Variants in NDUFA9 observed in about 807,000 individuals in gnomAD.
The protein encoded by NDUFA9 is NADH:ubiquinone oxidoreductase subunit A9.
In NDUFA9, 23 loss-of-function variants were observed where a neutral mutation model predicts 45.9. That is an observed-to-expected ratio of 0.50 (90% CI 0.36 to 0.71). The LOEUF (loss-of-function observed/expected upper bound fraction) is 0.71. Among genes scored for constraint, NDUFA9 ranks in the 30% least tolerant of loss-of-function variants. The probability of loss-of-function intolerance (pLI) is 0.00; values close to 1 mark genes in which losing one functional copy is unlikely to be tolerated. For missense variants in NDUFA9, 466 were observed against 488.2 expected (o/e 0.95, Z 0.43); for synonymous variants, 176 against 170.5 (o/e 1.03, Z -0.25).
intron 8 of NDUFA9, among the ~76,000 whole-genome samples, chr12:4,676,507 A>G (rs991377149): frequency 3.3e-5 from 5 of 152,048 alleles, no homozygotes; most frequent in Admixed American, 1.3e-4. Flanking sequence ...CAGACAAACC[A>G]TGAGTGAACC....
At chr12:4,673,851 C>T (rs1009235234) in intron 8 of NDUFA9, among the ~76,000 whole-genome samples, 2 of 152,066 alleles carry the variant, frequency 1.3e-5, no homozygotes, top group Non-Finnish European at 2.9e-5. Flanking sequence ...AGAGCAACCA[C>T]AAGACACATA....
intron 7 of NDUFA9, 84 bp from the exon 8 acceptor site, chr12:4,669,654 CTCT>C: frequency 2.5e-6 from 2 of 810,454 alleles, no homozygotes; most frequent in Non-Finnish European, 4.0e-6. Flanking sequence ...CTTCCTTTTT[CTCT>C]TCTTTCCTTT....
At chr12:4,662,179 T>C (rs1945826900) in intron 5 of NDUFA9, among the ~76,000 whole-genome samples, 3 of 152,240 alleles carry the variant, frequency 2.0e-5, no homozygotes, top group Admixed American at 2.0e-4. Flanking sequence ...GCCACCATAC[T>C]GTCCTTTTTC....
At chr12:4,662,455 T>G in intron 5 of NDUFA9, 78 bp from the exon 6 acceptor site, 1 of 1,056,434 alleles carries the variant, frequency 9.5e-7, no homozygotes, top group South Asian at 1.3e-5. Flanking sequence ...ATACAAGTCA[T>G]GTCTTAATAG....
At chr12:4,660,696 A>G (rs531619994) in intron 5 of NDUFA9, among the ~76,000 whole-genome samples, 13 of 152,294 alleles carry the variant, frequency 8.5e-5, no homozygotes, top group Admixed American at 3.3e-4. Flanking sequence ...GTACAGTGCT[A>G]GGGAAGCCAT....
chr12:4,682,297 A>T lies in NDUFA9; in HGVS notation c.893A>T (p.Tyr298Phe), dbSNP rs61754988. Reference protein sequence around the residue: ...FLPFPLPLFAYRWVARVFEIS... With the variant: ...FLPFPLPLFAFRWVARVFEIS... ...CCATTCCCCTTGCCGCTTTTTGCCT[A>T]TCGGTAAGTAGAGTGCTCCTTTTGT... is the stretch of plus-strand genomic sequence containing the variant. The change falls in exon 9 of 11, where the codon TAT (tyrosine) becomes TTT (phenylalanine). Residue 298 changes from tyrosine (Y) to phenylalanine (F), a missense_variant. Physicochemically the swap from Tyr to Phe is conservative, Grantham distance 22 (BLOSUM62 3). Coordinates refer to ENST00000266544, the MANE Select transcript of NDUFA9 (RefSeq NM_005002.5). 3.7e-6 allele frequency: 6 copies of T among 1,607,050 alleles called. No individual in the cohort carries two copies. The Admixed American group carries it at 8.3e-5, about 22-fold the overall frequency.
Position 4,690,056 on chromosome 12 carries a change from A to G in NDUFA9, c.*2948A>G, listed in dbSNP as rs571419784. 6.6e-6 allele frequency: 1 copy of G among 152,552 alleles called. No individual in the cohort carries two copies. Among genetic ancestry groups the G allele is most frequent in the East Asian group, 1.9e-4 (1 of 5,176 alleles). The allele number at this position is 152,552 out of a possible 1,614,324, so 9.4% of individuals were successfully genotyped here. A position where few individuals can be genotyped will look rare whatever the true frequency, so the allele number is the denominator to read the frequency against. ...CAAGTAACTGGGAGCTGGGCATAAG[A>G]TCTAGGACACTCATATCCAGGGTGA... On this transcript the variant is annotated 3_prime_UTR_variant, in exon 11 of 11. Transcript: ENST00000266544.
intron 9 of NDUFA9, chr12:4,684,988 G>T: frequency 1.7e-6 from 1 of 598,782 alleles, no homozygotes; most frequent in Admixed American, 2.9e-5. Flanking sequence ...GTTGTTTGTT[G>T]GTTTTATTTC....
intron 8 of NDUFA9, among the ~76,000 whole-genome samples, chr12:4,678,320 TAAATA>T (rs1237430726): frequency 2.6e-5 from 4 of 151,332 alleles, no homozygotes; most frequent in Admixed American, 2.6e-4. Flanking sequence ...TGTAAAAAAA[TAAATA>T]AAAGAGTTAT....
chr12:4,654,164 TA>T, intron 1 of NDUFA9, 127 bp from the exon 2 acceptor site: 1 of 832,496 alleles, frequency 1.2e-6, no homozygotes, highest in Non-Finnish European at 1.8e-6. Flanking sequence ...TTGCCCTTGA[TA>T]CTTAAATTGC....
intron 4 of NDUFA9, among the ~76,000 whole-genome samples, chr12:4,658,810 G>A (rs1425461761): frequency 6.6e-6 from 1 of 152,052 alleles, no homozygotes; most frequent in East Asian, 1.9e-4. Context: ...GGCTGGTCTT[G>A]AACTCCTGGG....
intron 5 of NDUFA9, 139 bp downstream of exon 5, chr12:4,659,316 AG>A: frequency 1.3e-6 from 1 of 749,102 alleles, no homozygotes; most frequent in Non-Finnish European, 2.1e-6. Context: ...ATCCAGAACT[AG>A]GGGTGTGTGT....
At chr12:4,683,826 C>T (rs1945968076) in intron 9 of NDUFA9, among the ~76,000 whole-genome samples, 1 of 152,178 alleles carries the variant, frequency 6.6e-6, no homozygotes, top group African/African-American at 2.4e-5. Context: ...TGTTCATTCA[C>T]ATGTATCTCA....
At position 4,654,612 on chromosome 12, in the gene NDUFA9, G is replaced by T. The variant is rs546449323; in HGVS notation, c.220+150G>T. The T allele has an allele frequency of 2.0e-5, 19 of 955,848 alleles. No homozygotes were observed. In the East Asian group the frequency reaches 2.7e-4, roughly 14 times the overall value. The allele number at this position is 955,848 out of a possible 1,614,324, so 59.2% of individuals were successfully genotyped here. ...TAATTTTTATTTGTTGTGACATGAA[G>T]AGCACACTCATGCTCCTATATAGGA... is the stretch of plus-strand genomic sequence containing the variant. On this transcript the variant is annotated intron_variant, in intron 2 of 10. Coordinates refer to ENST00000266544, the MANE Select transcript of NDUFA9 (RefSeq NM_005002.5).
At chr12:4,658,759 CT>C (rs1945806141) in intron 4 of NDUFA9, among the ~76,000 whole-genome samples, 1 of 151,848 alleles carries the variant, frequency 6.6e-6, no homozygotes, top group Admixed American at 6.6e-5. Context: ...AATTTTTTTT[CT>C]TTTTTTAGAA....
Position 4,662,560 on chromosome 12 carries a change from G to C in NDUFA9, c.580G>C (p.Ala194Pro). The C allele has an allele frequency of 6.2e-7, 1 of 1,613,884 alleles. No homozygotes were observed. The highest frequency in any genetic ancestry group is 8.5e-7 in the Non-Finnish European group (1 of 1,179,798). Reference sequence around the variant, plus strand: ...TGTTGGAGAGAAAGTAGTGAGAGATGCATTTCCGGAAGCCATTATCGTAAA... The same window carrying C: ...TGTTGGAGAGAAAGTAGTGAGAGATCCATTTCCGGAAGCCATTATCGTAAA... ...KAVGEKVVRD[A>P]FPEAIIVKPS... The change falls in exon 6 of 11, where the codon GCA becomes CCA. Residue 194 changes from alanine to proline, a missense_variant. Ala to Pro is a conservative substitution (Grantham distance 27). Coordinates refer to ENST00000266544, the MANE Select transcript of NDUFA9 (RefSeq NM_005002.5).
rs1401024490 is a variant in NDUFA9, at chr12:4,654,870, A to G, written c.266A>G (p.Tyr89Cys). ...QVIIPYRCDK[Y>C]DIMHLRPMGD... ...ATCATACCCTATCGGTGTGATAAAT[A>G]TGACATCATGCACCTTCGTCCCATG... The change falls in exon 3 of 11, where the codon TAT (tyrosine) becomes TGT (cysteine). Residue 89 changes from tyrosine (Y) to cysteine (C), a missense_variant. Transcript: ENST00000266544. 1.2e-6 allele frequency: 2 copies of G among 1,614,030 alleles called. No homozygotes were observed. Among genetic ancestry groups the G allele is most frequent in the Non-Finnish European group, 1.7e-6 (2 of 1,179,954 alleles).
chr12:4,671,088 A>G (rs186832771), intron 8 of NDUFA9, among the ~76,000 whole-genome samples: 133 of 152,332 alleles, frequency 8.7e-4, no homozygotes, highest in Middle Eastern at 6.8e-3. Context: ...CACATTTCTC[A>G]TCTCTTCAGC....
At position 4,685,453 on chromosome 12, in the gene NDUFA9, C is replaced by T. The variant is rs113912857; in HGVS notation, c.963+128C>T. 4.3e-4 allele frequency: 351 copies of T among 811,514 alleles called. No individual in the cohort carries two copies. The African/African-American group carries it at 5.6e-3, about 13-fold the overall frequency. 50.3% of individuals were successfully genotyped at this position (811,514 alleles called of 1,614,324 possible). A position where few individuals can be genotyped will look rare whatever the true frequency, so the allele number is the denominator to read the frequency against. On this transcript the variant is annotated intron_variant, in intron 10 of 10. Transcript: ENST00000266544. ...TTCTTGCTGTCTGCAGTCAGCCCCT[C>T]TACTAGCGCTGAAGCTCATCCACCT...
Sources: gnomAD v4.1 joint callset for allele counts (sites outside exome capture counted in the v4.1 genomes callset) on GRCh38, gnomAD v4.1.1 for gene constraint, MANE v1.5 for transcripts, NCBI Gene and HGNC (gene_info 2026-07-23, HGNC 2026-07-21) for gene names.